COL4A3: variants seen among roughly 807,000 people sequenced by gnomAD.
COL4A3 encodes the protein collagen alpha-3(IV) chain.
Under a neutral mutation model 217.4 loss-of-function variants are expected in COL4A3, and 135 were observed. The ratio of observed to expected loss-of-function variants is 0.62; its 90% CI spans 0.54 to 0.72. The LOEUF is 0.72. Ranked by LOEUF, COL4A3 falls within the 30% of genes least tolerant of loss-of-function variation. The probability of loss-of-function intolerance (pLI) is 0.00; values close to 1 mark genes in which losing one functional copy is unlikely to be tolerated. For missense variants in COL4A3, 1,868 were observed against 2,119.9 expected (o/e 0.88, Z 2.33); for synonymous variants, 690 against 736.3 (o/e 0.94, Z 1.02).
At chr2:227,193,452 G>A (rs944811670) in intron 1 of COL4A3, among the ~76,000 whole-genome samples, 2 of 152,168 alleles carry the variant, frequency 1.3e-5, no homozygotes, top group South Asian at 2.1e-4. Flanking sequence ...GGCGGCTCAC[G>A]CCTGTAATCC....
chr2:227,220,717 G>A (rs1297206104), intron 1 of COL4A3, among the ~76,000 whole-genome samples: 1 of 152,096 alleles, frequency 6.6e-6, no homozygotes, highest in Non-Finnish European at 1.5e-5. Flanking sequence ...CCCTACCTCA[G>A]CCTCCCAAAG....
intron 1 of COL4A3, among the ~76,000 whole-genome samples, chr2:227,179,237 C>T (rs570274649): frequency 4.5e-4 from 68 of 152,310 alleles, no homozygotes; most frequent in Middle Eastern, 3.4e-3. Flanking sequence ...AGGCATGAGA[C>T]ATCGTGCCTG....
chr2:227,284,321 G>T lies in COL4A3; in HGVS notation c.2857G>T (p.Asp953Tyr). 1 of 1,613,960 alleles carries T rather than the reference G, an allele frequency of 6.2e-7. No individual in the cohort carries two copies. The highest frequency in any genetic ancestry group is 8.5e-7 in the Non-Finnish European group (1 of 1,179,974). ...TTCAGAGATATCCCACGTAATAGGG[G>T]ACAAAGGAGAACCAGGTCTCAAAGG... ...GPSEISHVIG[D>Y]KGEPGLKGFA... Residue 953 changes from aspartate (D) to tyrosine (Y), a missense_variant, in exon 34 of 52, where the codon GAC (aspartate) becomes TAC (tyrosine). Around this residue, in one of 2 missense-constraint regions of COL4A3, gnomAD observed 1,503 missense variants for 1,786.1 expected, o/e 0.84. Coordinates refer to ENST00000396578, the MANE Select transcript of COL4A3 (RefSeq NM_000091.5).
At chr2:227,194,266 G>C (rs1209943447) in intron 1 of COL4A3, among the ~76,000 whole-genome samples, 2 of 152,184 alleles carry the variant, frequency 1.3e-5, no homozygotes, top group East Asian at 3.9e-4. Flanking sequence ...GTGAGGTTCA[G>C]GTAAACCGTC....
At chr2:227,174,348 G>T (rs1247228854) in intron 1 of COL4A3, among the ~76,000 whole-genome samples, 1 of 152,100 alleles carries the variant, frequency 6.6e-6, no homozygotes, top group Non-Finnish European at 1.5e-5. Context: ...CATCCAGACA[G>T]GTAAGAGGTT....
chr2:227,282,609 A>G lies in COL4A3; in HGVS notation c.2656+77A>G. The G allele has an allele frequency of 7.6e-7, 1 of 1,321,248 alleles. No individual in the cohort carries two copies. The highest frequency in any genetic ancestry group is 1.2e-5 in the South Asian group (1 of 84,194). The allele number at this position is 1,321,248 out of a possible 1,614,324, so 81.8% of individuals were successfully genotyped here. On this transcript the variant is annotated intron_variant, in intron 32 of 51. Transcript: ENST00000396578. This position sits in a 1 kb window ranked among gnomAD's most constrained non-coding sequence, Gnocchi z 4.4. ...GTGGCTCTGTCAACTGTACATAGGC[A>G]TACGCTTTTTACTCTATGCTTTTAC... is the stretch of plus-strand genomic sequence containing the variant.
chr2:227,307,629 A>T, intron 47 of COL4A3, 81 bp from the exon 48 acceptor site: 926 of 782,462 alleles, frequency 1.2e-3, no homozygotes, highest in Non-Finnish European at 1.8e-3. Flanking sequence ...ACATATATAA[A>T]ATATATTTAA....
intron 1 of COL4A3, among the ~76,000 whole-genome samples, chr2:227,187,203 T>C (rs1169684362): frequency 2.0e-5 from 3 of 152,228 alleles, no homozygotes; most frequent in Non-Finnish European, 4.4e-5. Context: ...TTCCATCTTC[T>C]TCAGGAATCT....
chr2:227,218,092 A>ATATATATATATATATATATATAGC (rs1334817757), intron 1 of COL4A3, among the ~76,000 whole-genome samples: 19 of 146,476 alleles, frequency 1.3e-4, no homozygotes, highest in Non-Finnish European at 2.2e-4. Flanking sequence ...ATATATATAT[A>ATATATATATATATATATATATAGC]TATATATATA....
At chr2:227,309,165 A>G in intron 49 of COL4A3, 39 bp from the exon 50 acceptor site, 1 of 1,611,372 alleles carries the variant, frequency 6.2e-7, no homozygotes, top group Non-Finnish European at 8.5e-7. Context: ...ACAGTGCAGA[A>G]AGTGGCAATG....
intron 5 of COL4A3, 30 bp from the exon 6 acceptor site, chr2:227,245,924 C>T (rs2069307810): frequency 1.3e-6 from 2 of 1,586,244 alleles, no homozygotes; most frequent in Non-Finnish European, 1.7e-6. Context: ...TTGGGATGAC[C>T]CTCCTCATTG....
At chr2:227,286,516 C>A (rs1431280765) in intron 34 of COL4A3, among the ~76,000 whole-genome samples, 1 of 152,084 alleles carries the variant, frequency 6.6e-6, no homozygotes, top group African/African-American at 2.4e-5. Context: ...AAATACATAA[C>A]CCTAGGAGTA....
chr2:227,266,497 G>A lies in COL4A3; in HGVS notation c.1396G>A (p.Asp466Asn), dbSNP rs541071302. The change falls in exon 22 of 52, where the codon GAT becomes AAT. Residue 466 changes from aspartate to asparagine, a missense_variant. Physicochemically the swap from Asp to Asn is conservative, Grantham distance 23. This residue lies in a region of COL4A3 where 1,503 missense variants were observed against 1,786.1 expected (regional missense o/e 0.84). Coordinates refer to ENST00000396578, the MANE Select transcript of COL4A3 (RefSeq NM_000091.5). The part of the protein sequence containing the change: ...YLGSPGIPGV[D>N]GPKGEPGLLC... Reference sequence around the variant, plus strand: ...AGGGTCTCCAGGAATCCCAGGAGTTGATGGGCCCAAAGGTTGGTTCAATCA... The same window carrying A: ...AGGGTCTCCAGGAATCCCAGGAGTTAATGGGCCCAAAGGTTGGTTCAATCA... The A allele has an allele frequency of 5.6e-6, 9 of 1,613,568 alleles. No individual in the cohort carries two copies. Among genetic ancestry groups the A allele is most frequent in the Middle Eastern group, 1.6e-4 (1 of 6,062 alleles).
rs1346847580 is a variant in COL4A3 at position 227,240,276 on chromosome 2, C to A, written c.234+44C>A. Reference sequence around the variant, plus strand: ...TTGGAAAATCCCCAACCCACCTAACCCTCTTCCTGCCTACCCCCTGGCTGC... The same window carrying A: ...TTGGAAAATCCCCAACCCACCTAACACTCTTCCTGCCTACCCCCTGGCTGC... On this transcript the variant is annotated intron_variant, in intron 3 of 51. Coordinates refer to ENST00000396578, the MANE Select transcript of COL4A3 (RefSeq NM_000091.5). 2.0e-6 allele frequency: 3 copies of A among 1,523,660 alleles called. No individual in the cohort carries two copies. In the South Asian group the frequency reaches 3.5e-5, roughly 18 times the overall value. 94.4% of individuals were successfully genotyped at this position (1,523,660 alleles called of 1,614,324 possible). A position where few individuals can be genotyped will look rare whatever the true frequency, so the allele number is the denominator to read the frequency against.
intron 1 of COL4A3, among the ~76,000 whole-genome samples, chr2:227,166,793 A>G (rs539138581): frequency 1.1e-4 from 16 of 152,316 alleles, no homozygotes; most frequent in Middle Eastern, 3.4e-3. Context: ...AAGGAATCAC[A>G]ACGTTCACTG....
Position 227,284,327 on chromosome 2 carries a change from G to A in COL4A3, c.2863G>A (p.Gly955Arg), listed in dbSNP as rs771818723. 2.5e-6 allele frequency: 4 copies of A among 1,613,860 alleles called. No homozygotes were observed. The East Asian group carries it at 8.9e-5, about 36-fold the overall frequency. The change falls in exon 34 of 52, where the codon GGA becomes AGA. Residue 955 changes from glycine to arginine, a missense_variant. Physicochemically the swap from Gly to Arg is moderately radical, Grantham distance 125. Around this residue, in one of 2 missense-constraint regions of COL4A3, gnomAD observed 1,503 missense variants for 1,786.1 expected, o/e 0.84. Coordinates refer to ENST00000396578, the MANE Select transcript of COL4A3 (RefSeq NM_000091.5). ...SEISHVIGDK[G>R]EPGLKGFAGN... is the part of the protein sequence containing the mutation. Reference sequence around the variant, plus strand: ...GATATCCCACGTAATAGGGGACAAAGGAGAACCAGGTCTCAAAGGTAAAGA... The same window carrying A: ...GATATCCCACGTAATAGGGGACAAAAGAGAACCAGGTCTCAAAGGTAAAGA...
At position 227,298,769 on chromosome 2, in the gene COL4A3, G is replaced by T; in HGVS notation, c.3839G>T (p.Gly1280Val). Residue 1280 changes from glycine (G) to valine (V), a missense_variant, in exon 43 of 52, where the codon GGT (glycine) becomes GTT (valine). By Grantham distance (109) the Gly-to-Val change is moderately radical. Transcript: ENST00000396578. ...TCTATGGGCCACCCTGGCCCAAAAG[G>T]TCCACCTGGAACTGCAGGAGACATG... Reference protein sequence around the residue: ...KGSMGHPGPKGPPGTAGDMGP... With the variant: ...KGSMGHPGPKVPPGTAGDMGP... 1 of 1,614,016 alleles carries T rather than the reference G, an allele frequency of 6.2e-7. No individual in the cohort carries two copies.
intron 5 of COL4A3, 196 bp from the exon 6 acceptor site, chr2:227,245,758 T>TAAG (rs776238309): frequency 1.6e-6 from 1 of 641,558 alleles, no homozygotes; most frequent in Non-Finnish European, 2.8e-6. Context: ...TCTCATTTGA[T>TAAG]AAGTCTTCAT....
rs2066451757 is a variant in COL4A3, at chr2:227,195,781, CA to C, written c.87+30969del. On this transcript the variant is annotated intron_variant, in intron 1 of 51. Transcript: ENST00000396578. ...AAGACATTTTTATCATAGGAGATGACAGCTCCATGAATTATTGCCCTAAAGA... is the reference window on the plus strand; with the variant it reads ...AAGACATTTTTATCATAGGAGATGACGCTCCATGAATTATTGCCCTAAAGA... 1.3e-5 allele frequency among the ~76,000 whole-genome samples: 2 copies of C among 150,728 alleles called. 1 individual carries two copies. The highest frequency in any genetic ancestry group is 4.2e-4 in the South Asian group (2 of 4,762).
Sources: allele counts gnomAD v4.1 joint callset (sites outside exome capture counted in the v4.1 genomes callset), GRCh38; gene constraint gnomAD v4.1.1; regional missense constraint gnomAD v4.1.1; non-coding constraint Gnocchi (gnomAD v3.1); transcripts MANE v1.5; gene names NCBI Gene and HGNC (gene_info 2026-07-23, HGNC 2026-07-21).